Variants in VDAC1 observed in about 807,000 individuals in gnomAD.
The protein encoded by VDAC1 is non-selective voltage-gated ion channel VDAC1.
VDAC1 carries 10 observed loss-of-function variants against 34.7 expected under a neutral mutation model. The observed-to-expected ratio is 0.29, with a 90% CI of 0.18 to 0.49. The LOEUF (loss-of-function observed/expected upper bound fraction) is 0.49. VDAC1 is among the 20% of genes least tolerant of loss of function. VDAC1 has a pLI of 0.99. For missense variants in VDAC1, 230 were observed against 347.9 expected, an observed-to-expected ratio of 0.66 and a Z score of 2.69; for synonymous variants, 130 against 136.0, an observed-to-expected ratio of 0.96 and a Z score of 0.30.
At chr5:134,005,133 T>C (rs971801221), upstream of VDAC1, 1 of 152,046 alleles carries the variant, frequency 6.6e-6, no homozygotes, top group Non-Finnish European at 1.5e-5. Context: ...CCTGCGCTAA[T>C]GGAAGACGCG....
At chr5:134,108,572 G>A in the VDAC1 span, among the ~76,000 whole-genome samples, 3,007 of 152,204 alleles carry the variant, frequency 0.02, 106 homozygotes, top group African/African-American at 0.069. Context: ...AGCTTTCCTC[G>A]GGGCACTGAG....
chr5:134,101,711 T>C, the VDAC1 span, among the ~76,000 whole-genome samples: 1 of 152,104 alleles, frequency 6.6e-6, no homozygotes, highest in African/African-American at 2.4e-5. Flanking sequence ...CAGGGTAGGG[T>C]CGGGACTCCT....
the VDAC1 span, among the ~76,000 whole-genome samples, chr5:134,019,252 T>G: frequency 6.6e-6 from 1 of 152,022 alleles, no homozygotes; most frequent in Admixed American, 6.5e-5. Context: ...CATGTACACC[T>G]AATTACAAGA....
the VDAC1 span, among the ~76,000 whole-genome samples, chr5:134,070,588 G>C: frequency 6.6e-6 from 1 of 152,178 alleles, no homozygotes; most frequent in South Asian, 2.1e-4. Context: ...AGAATGTGTT[G>C]TCTTATTTCC....
the VDAC1 span, among the ~76,000 whole-genome samples, chr5:134,060,880 C>CTTTTTTTTTTTTTTTTTTTTTTT: frequency 2.0e-5 from 2 of 98,682 alleles, no homozygotes; most frequent in Non-Finnish European, 3.7e-5. Flanking sequence ...TCTTCTTCTT[C>CTTTTTTTTTTTTTTTTTTTTTTT]TTTTTTTTTT....
chr5:133,990,081 TA>T (rs1753046946), intron 5 of VDAC1, among the ~76,000 whole-genome samples: 1 of 152,246 alleles, frequency 6.6e-6, no homozygotes, highest in Non-Finnish European at 1.5e-5. Flanking sequence ...GGGTGTATTC[TA>T]AAAGGGAATA....
chr5:134,087,570 A>T, the VDAC1 span, among the ~76,000 whole-genome samples: 1 of 152,116 alleles, frequency 6.6e-6, no homozygotes, highest in Non-Finnish European at 1.5e-5. Flanking sequence ...AAACAAAAAG[A>T]GCGGCCGGGC....
chr5:134,036,029 C>T, the VDAC1 span, among the ~76,000 whole-genome samples: 1 of 151,344 alleles, frequency 6.6e-6, no homozygotes, highest in African/African-American at 2.4e-5. Flanking sequence ...AAAAAAAATT[C>T]CCATTTGCCA....
intron 5 of VDAC1, among the ~76,000 whole-genome samples, chr5:133,990,377 A>G (rs964437074): frequency 6.6e-6 from 1 of 152,220 alleles, no homozygotes; most frequent in Non-Finnish European, 1.5e-5. Flanking sequence ...GGTCATAGCC[A>G]CTTACATCAC....
At chr5:134,099,462 GC>G in the VDAC1 span, among the ~76,000 whole-genome samples, 1 of 152,204 alleles carries the variant, frequency 6.6e-6, no homozygotes. Flanking sequence ...TATCTGACCA[GC>G]CTGGCGCAGT....
At chr5:133,974,026 A>T (rs1752390483) in intron 7 of VDAC1, among the ~76,000 whole-genome samples, 178 bp from the exon 8 acceptor site, 1 of 152,220 alleles carries the variant, frequency 6.6e-6, no homozygotes, top group South Asian at 2.1e-4. Context: ...TTAGGTGCAT[A>T]CCTTTCTGTT....
the VDAC1 span, among the ~76,000 whole-genome samples, chr5:134,036,491 C>G: frequency 6.6e-6 from 1 of 152,048 alleles, no homozygotes; most frequent in Non-Finnish European, 1.5e-5. Flanking sequence ...AACATAATGT[C>G]GGATCCTTGG....
chr5:133,996,285 C>T (rs1203714324), intron 1 of VDAC1, among the ~76,000 whole-genome samples: 2 of 152,206 alleles, frequency 1.3e-5, no homozygotes, highest in Non-Finnish European at 2.9e-5. Context: ...CAGCAAGTCA[C>T]ACCAGGATAC....
At chr5:134,070,053 T>C in the VDAC1 span, among the ~76,000 whole-genome samples, 1 of 152,066 alleles carries the variant, frequency 6.6e-6, no homozygotes, top group Non-Finnish European at 1.5e-5. Context: ...ACCCCTTGTT[T>C]AGCATGTGAT....
chr5:134,080,567 G>A, the VDAC1 span, among the ~76,000 whole-genome samples: 78,047 of 151,108 alleles, frequency 0.52, 20,366 homozygotes, highest in Non-Finnish European at 0.54. Flanking sequence ...GTACCATACC[G>A]TGAGCAGGTT....
chr5:133,990,463 A>G (rs1347294840), intron 5 of VDAC1, among the ~76,000 whole-genome samples: 1 of 152,244 alleles, frequency 6.6e-6, no homozygotes, highest in Non-Finnish European at 1.5e-5. Flanking sequence ...CTAGGAGAAC[A>G]CTAACAAAAT....
the VDAC1 span, among the ~76,000 whole-genome samples, chr5:134,079,778 C>T: frequency 3.9e-5 from 6 of 152,172 alleles, no homozygotes; most frequent in East Asian, 1.9e-4. Context: ...TTGCTTTTGG[C>T]GGAGGCATCT....
intron 8 of VDAC1, among the ~76,000 whole-genome samples, chr5:133,973,382 A>G (rs901160624): frequency 2.0e-5 from 3 of 152,248 alleles, no homozygotes; most frequent in East Asian, 3.8e-4. Context: ...CACTAGAACT[A>G]TAATACGCCG....
the VDAC1 span, among the ~76,000 whole-genome samples, chr5:134,018,440 G>A: frequency 2.0e-5 from 3 of 152,184 alleles, no homozygotes; most frequent in Admixed American, 2.0e-4. Flanking sequence ...ATGAGATTTG[G>A]AGGAGACACA....
Sources: allele counts gnomAD v4.1 joint callset (sites outside exome capture counted in the v4.1 genomes callset), GRCh38; gene constraint gnomAD v4.1.1; transcripts MANE v1.5; gene names NCBI Gene and HGNC (gene_info 2026-07-23, HGNC 2026-07-21).